The following SFRP2 variants were observed in gnomAD, a reference collection of about 807,000 sequenced individuals.
The protein encoded by SFRP2 is secreted frizzled-related protein 2.
In SFRP2, 16 loss-of-function variants were observed where a neutral mutation model predicts 26.0. That is an observed-to-expected ratio of 0.61 (90% CI 0.42 to 0.93). The LOEUF (loss-of-function observed/expected upper bound fraction) is 0.93. Ranked by LOEUF, SFRP2 falls within the 40% of genes least tolerant of loss-of-function variation. SFRP2 has a pLI of 0.00. For synonymous variants in SFRP2, 173 were observed against 167.3 expected (o/e 1.03, Z -0.26); for missense variants, 343 against 392.4 (o/e 0.87, Z 1.06).
chr4:153,788,617 C>T lies in SFRP2; in HGVS notation c.219G>A (p.Leu73=). The change falls in exon 1 of 3, where the codon CTG becomes CTA. Residue 73 remains leucine (L), a synonymous_variant. Transcript: ENST00000274063. ...LLGHETMKEV[L]EQAGAWIPLV... ...GCGGGATCCAAGCGCCGGCCTGCTCCAGCACCTCCTTCATGGTCTCGTGGC... is the reference window on the plus strand; with the variant it reads ...GCGGGATCCAAGCGCCGGCCTGCTCTAGCACCTCCTTCATGGTCTCGTGGC... 6.2e-7 allele frequency: 1 copy of T among 1,614,198 alleles called. No individual in the cohort carries two copies. Among genetic ancestry groups the T allele is most frequent in the South Asian group, 1.1e-5 (1 of 91,084 alleles).
At chr4:153,781,797 G>A (rs780841026) in intron 2 of SFRP2, 42 bp from the exon 3 acceptor site, 1 of 1,541,814 alleles carries the variant, frequency 6.5e-7, no homozygotes, top group African/African-American at 1.4e-5. Flanking sequence ...TTATAATGAG[G>A]GAATACAGTA....
At position 153,788,760 on chromosome 4, in the gene SFRP2, A is replaced by G. The variant is rs914770377; in HGVS notation, c.76T>C (p.Phe26Leu). 6.2e-7 allele frequency: 1 copy of G among 1,612,080 alleles called. No homozygotes were observed. The highest frequency in any genetic ancestry group is 8.5e-7 in the Non-Finnish European group (1 of 1,179,984). Reference protein sequence around the residue: ...HCCLGSARGLFLFGQPDFSYK... With the variant: ...HCCLGSARGLLLFGQPDFSYK... ...GAGAAGTCGGGCTGGCCAAAGAGGA[A>G]GAGCCCGCGCGCCGAGCCCAGGCAG... The change falls in exon 1 of 3, where the codon TTC (phenylalanine) becomes CTC (leucine). Residue 26 changes from phenylalanine to leucine, a missense_variant. Around this residue, in one of 2 missense-constraint regions of SFRP2, gnomAD observed 251 missense variants for 253.3 expected, o/e 0.99. Transcript: ENST00000274063.
intron 2 of SFRP2, 50 bp from the exon 3 acceptor site, chr4:153,781,805 G>T: frequency 6.8e-7 from 1 of 1,479,088 alleles, no homozygotes; most frequent in Non-Finnish European, 9.4e-7. Flanking sequence ...AGGGAATACA[G>T]TATACCTCCC....
intron 2 of SFRP2, among the ~76,000 whole-genome samples, chr4:153,784,209 A>T (rs1388492004): frequency 6.6e-6 from 1 of 152,252 alleles, no homozygotes; most frequent in Non-Finnish European, 1.5e-5. Flanking sequence ...TGCCAGAAGA[A>T]CATGATATTT....
intron 2 of SFRP2, among the ~76,000 whole-genome samples, chr4:153,783,386 G>A (rs1741152936): frequency 6.6e-6 from 1 of 152,150 alleles, no homozygotes; most frequent in African/African-American, 2.4e-5. Context: ...TTTTAACCAG[G>A]AGGAAGATTT....
At chr4:153,786,753 C>G (rs549268506) in intron 1 of SFRP2, among the ~76,000 whole-genome samples, 2 of 151,090 alleles carry the variant, frequency 1.3e-5, no homozygotes, top group Non-Finnish European at 2.9e-5. Context: ...AAAGACGAAG[C>G]AAAAATGGTT....
chr4:153,782,669 A>AAT (rs1232221052), intron 2 of SFRP2, among the ~76,000 whole-genome samples: 1 of 152,238 alleles, frequency 6.6e-6, no homozygotes, highest in Non-Finnish European at 1.5e-5. Context: ...ATACACAAAG[A>AAT]ATCTTAAATC....
In SFRP2 at chr4:153,789,001, A is replaced by C; in HGVS notation, c.-166T>G. 2 of 708,208 alleles carry C rather than the reference A, an allele frequency of 2.8e-6. No homozygotes were observed. Among genetic ancestry groups the C allele is most frequent in the Non-Finnish European group, 4.2e-6 (2 of 476,904 alleles). The allele number at this position is 708,208 out of a possible 1,614,324, so 43.9% of individuals were successfully genotyped here. A position where few individuals can be genotyped will look rare whatever the true frequency, so the allele number is the denominator to read the frequency against. ...CGCGGAGAAGCGGGACACCGGGAGG[A>C]CAGCGCGGGCGAGGCGCTGCAAGCC... On this transcript the variant is annotated 5_prime_UTR_variant, in exon 1 of 3. Transcript: ENST00000274063.
intron 1 of SFRP2, among the ~76,000 whole-genome samples, chr4:153,787,415 G>A (rs1432774443): frequency 1.3e-5 from 2 of 152,238 alleles, no homozygotes; most frequent in Non-Finnish European, 2.9e-5. Context: ...GAGATTGAAA[G>A]GGAGAGGCTG....
chr4:153,782,966 C>T lies in SFRP2; in HGVS notation c.584-1211G>A, dbSNP rs184382734. 4.3e-4 allele frequency among the ~76,000 whole-genome samples: 65 copies of T among 150,508 alleles called. 1 individual carries two copies. The East Asian group carries it at 9.1e-3, about 21-fold the overall frequency. ...GAAGATTTTTCTGTGTTGCGTACAA[C>T]TGTTTTTGAGATTTTCTTTTTTTTT... is the stretch of plus-strand genomic sequence containing the variant. On this transcript the variant is annotated intron_variant, in intron 2 of 2. Transcript: ENST00000274063.
At chr4:153,785,514 G>A (rs573610361) in intron 2 of SFRP2, among the ~76,000 whole-genome samples, 1 of 40,454 alleles carries the variant, frequency 2.5e-5, no homozygotes, top group African/African-American at 8.7e-5. Flanking sequence ...CACATGTTAA[G>A]TAATCAAAAG....
At chr4:153,786,785 G>A (rs546477029) in intron 1 of SFRP2, among the ~76,000 whole-genome samples, 6 of 151,744 alleles carry the variant, frequency 4.0e-5, no homozygotes, top group Admixed American at 6.6e-5. Context: ...TCAAACTTAG[G>A]GATTGTATAC....
At chr4:153,784,424 G>A (rs1445939985) in intron 2 of SFRP2, among the ~76,000 whole-genome samples, 1 of 152,216 alleles carries the variant, frequency 6.6e-6, no homozygotes, top group Admixed American at 6.5e-5. Flanking sequence ...AGCCCCATTT[G>A]TGGCTCCTCC....
rs1256791588 is a variant in SFRP2, at chr4:153,788,727, G to A, written c.109C>T (p.Arg37Cys). Reference protein sequence around the residue: ...LFGQPDFSYKRSNCKPIPANL... With the variant: ...LFGQPDFSYKCSNCKPIPANL... ...GCAGGGATGGGCTTGCAATTGCTGC[G>A]CTTGTAGGAGAAGTCGGGCTGGCCA... is the stretch of plus-strand genomic sequence containing the variant. Residue 37 changes from arginine to cysteine, a missense_variant, in exon 1 of 3, where the codon CGC (arginine) becomes TGC (cysteine). Arg to Cys is a radical substitution (Grantham distance 180). Coordinates refer to ENST00000274063, the MANE Select transcript of SFRP2 (RefSeq NM_003013.3). The A allele has an allele frequency of 2.5e-6, 4 of 1,613,646 alleles. No homozygotes were observed. The highest frequency in any genetic ancestry group is 2.2e-5 in the East Asian group (1 of 44,882).
Position 153,788,593 on chromosome 4 carries a change from C to T in SFRP2, c.243G>A (p.Pro81=), listed in dbSNP as rs1741255273. 4 of 1,614,156 alleles carry T rather than the reference C, an allele frequency of 2.5e-6. No individual in the cohort carries two copies. The highest frequency in any genetic ancestry group is 2.2e-5 in the East Asian group (1 of 44,878). Residue 81 remains proline, a synonymous_variant, in exon 1 of 3, where the codon CCG becomes CCA. Transcript: ENST00000274063. ...CCGGGTGGCACTGCTTCATGACCAGCGGGATCCAAGCGCCGGCCTGCTCCA... is the reference window on the plus strand; with the variant it reads ...CCGGGTGGCACTGCTTCATGACCAGTGGGATCCAAGCGCCGGCCTGCTCCA... The part of the protein sequence containing the change: ...EVLEQAGAWI[P]LVMKQCHPDT...
At chr4:153,783,985 A>C (rs1741161035) in intron 2 of SFRP2, among the ~76,000 whole-genome samples, 1 of 152,186 alleles carries the variant, frequency 6.6e-6, no homozygotes, top group African/African-American at 2.4e-5. Flanking sequence ...GAGGGAGCAC[A>C]CTAAGGCACA....
chr4:153,785,015 C>T (rs935068638), intron 2 of SFRP2, among the ~76,000 whole-genome samples: 23 of 152,170 alleles, frequency 1.5e-4, no homozygotes, highest in Non-Finnish European at 2.9e-4. Context: ...TCCATGTAGA[C>T]AAAGCCCCAG....
At chr4:153,783,654 C>T (rs1741156846) in intron 2 of SFRP2, among the ~76,000 whole-genome samples, 1 of 152,148 alleles carries the variant, frequency 6.6e-6, no homozygotes, top group Non-Finnish European at 1.5e-5. Context: ...TTCACCAGTA[C>T]TTGCACCACT....
At position 153,788,773 on chromosome 4, in the gene SFRP2, C is replaced by G. The variant is rs1369030059; in HGVS notation, c.63G>C (p.Ser21=). ...GGCCAAAGAGGAAGAGCCCGCGCGC[C>G]GAGCCCAGGCAGCAGTGCGAGGCGA... The part of the protein sequence containing the change: ...LFLASHCCLG[S]ARGLFLFGQP... The change falls in exon 1 of 3, where the codon TCG becomes TCC. Residue 21 remains serine, a synonymous_variant. Coordinates refer to ENST00000274063, the MANE Select transcript of SFRP2 (RefSeq NM_003013.3). The G allele has an allele frequency of 3.1e-6, 5 of 1,610,116 alleles. No homozygotes were observed. The highest frequency in any genetic ancestry group is 4.2e-6 in the Non-Finnish European group (5 of 1,179,802).
Sources: allele counts gnomAD v4.1 joint callset (sites outside exome capture counted in the v4.1 genomes callset), GRCh38; gene constraint gnomAD v4.1.1; regional missense constraint gnomAD v4.1.1; transcripts MANE v1.5; gene names NCBI Gene and HGNC (gene_info 2026-07-23, HGNC 2026-07-21).